GCNT1: variants seen among roughly 807,000 people sequenced by gnomAD.
GCNT1 encodes beta-1,3-galactosyl-O-glycosyl-glycoprotein beta-1,6-N-acetylglucosaminyltransferase.
GCNT1 carries 16 observed loss-of-function variants against 26.2 expected under a neutral mutation model. The observed-to-expected ratio is 0.61, with a 90% CI of 0.41 to 0.93. The LOEUF (loss-of-function observed/expected upper bound fraction) is 0.93. GCNT1 is among the 40% of genes least tolerant of loss of function. The pLI is 0.00. For missense variants in GCNT1, 477 were observed against 526.7 expected (o/e 0.91, Z 0.92); for synonymous variants, 183 against 190.8 (o/e 0.96, Z 0.34).
chr9:76,499,582 A>G (rs1014761035), intron 2 of GCNT1, among the ~76,000 whole-genome samples: 11 of 152,202 alleles, frequency 7.2e-5, no homozygotes, highest in Admixed American at 2.0e-4. Context: ...CAGTTTGATT[A>G]TGAAATGTCT....
chr9:76,480,446 C>T (rs139384058), intron 2 of GCNT1, among the ~76,000 whole-genome samples: 54 of 152,212 alleles, frequency 3.5e-4, no homozygotes, highest in African/African-American at 1.3e-3. Context: ...TTACCTTGGG[C>T]AGTATGGCCA....
chr9:76,427,648 A>G lies in GCNT1; in HGVS notation n.38+7761A>G, dbSNP rs1240939111. ...TTGTCAAAGATGTTTATTACAGCAT[A>G]GTTTATACATGTGAAAAATTAAAAA... On this transcript the variant is annotated intron_variant and non_coding_transcript_variant, in intron 1 of 3. Transcript: ENST00000488136. Among the ~76,000 whole-genome samples the G allele has an allele frequency of 2.0e-5, 3 of 152,344 alleles. No homozygotes were observed. The East Asian group carries it at 5.8e-4, about 29-fold the overall frequency.
intron 2 of GCNT1, among the ~76,000 whole-genome samples, chr9:76,493,908 A>G (rs1036786885): frequency 1.3e-5 from 2 of 152,012 alleles, no homozygotes; most frequent in African/African-American, 4.8e-5. Flanking sequence ...GAGAGAGAAT[A>G]TTGGGGCCAG....
At chr9:76,405,356 A>C in the GCNT1 span, among the ~76,000 whole-genome samples, 1 of 146,860 alleles carries the variant, frequency 6.8e-6, no homozygotes, top group Non-Finnish European at 1.5e-5. Flanking sequence ...AGGCACTAGA[A>C]TGTACATGTT....
At chr9:76,437,730 A>G (rs2131579751), upstream of GCNT1, among the ~76,000 whole-genome samples, 1 of 152,320 alleles carries the variant, frequency 6.6e-6, no homozygotes, top group African/African-American at 2.4e-5. Context: ...GATCATTTTC[A>G]TAACAAGAGT....
intron 2 of GCNT1, among the ~76,000 whole-genome samples, chr9:76,461,319 G>A (rs925065234): frequency 3.3e-5 from 5 of 151,924 alleles, no homozygotes. Flanking sequence ...AGGGCCGGGC[G>A]CAGTGGCTCA....
intron 1 of GCNT1, among the ~76,000 whole-genome samples, chr9:76,449,929 G>A (rs554252312): frequency 9.2e-5 from 14 of 151,944 alleles, no homozygotes; most frequent in Admixed American, 4.6e-4. Flanking sequence ...AATTACAGAC[G>A]CCCAGCTAAT....
intron 2 of GCNT1, among the ~76,000 whole-genome samples, chr9:76,494,490 T>G (rs1244556941): frequency 1.3e-5 from 2 of 152,184 alleles, no homozygotes; most frequent in African/African-American, 4.8e-5. Flanking sequence ...AGGAAGGATA[T>G]CATGTCTGAG....
In GCNT1 at chr9:76,503,592, T is replaced by C. The variant is rs1278468504; in HGVS notation, c.1211T>C (p.Val404Ala). The change falls in exon 4 of 4, where the codon GTG becomes GCG. Residue 404 changes from valine (V) to alanine (A), a missense_variant. Val to Ala is a moderately conservative substitution (Grantham distance 64). Coordinates refer to ENST00000376730, the MANE Select transcript of GCNT1 (RefSeq NM_001490.5). Reference sequence around the variant, plus strand: ...CACTTGTTTGCCAATAAGTTTGACGTGGATGTTGACCTCTTTGCCATCCAG... The same window carrying C: ...CACTTGTTTGCCAATAAGTTTGACGCGGATGTTGACCTCTTTGCCATCCAG... ...KHHLFANKFD[V>A]DVDLFAIQCL... The C allele has an allele frequency of 6.2e-7, 1 of 1,614,190 alleles. No homozygotes were observed. The highest frequency in any genetic ancestry group is 2.2e-5 in the East Asian group (1 of 44,882).
Position 76,478,836 on chromosome 9 carries a change from G to A in GCNT1, c.-290+18659G>A, listed in dbSNP as rs150117233. Reference sequence around the variant, plus strand: ...AATTTGTATGGGTAAAGCCATATATGTATTTCTAGCAATACATTTTATTTA... The same window carrying A: ...AATTTGTATGGGTAAAGCCATATATATATTTCTAGCAATACATTTTATTTA... On this transcript the variant is annotated intron_variant, in intron 2 of 3. Coordinates refer to ENST00000376730, the MANE Select transcript of GCNT1 (RefSeq NM_001490.5). Among the ~76,000 whole-genome samples the A allele has an allele frequency of 3.5e-3, 531 of 152,274 alleles. 2 individuals are homozygous for A. The highest frequency in any genetic ancestry group is 0.011 in the African/African-American group (469 of 41,552).
At chr9:76,488,647 G>A (rs558441089) in intron 2 of GCNT1, among the ~76,000 whole-genome samples, 30 of 152,018 alleles carry the variant, frequency 2.0e-4, no homozygotes, top group Admixed American at 1.2e-3. Context: ...ACCATGCCCC[G>A]CTAATTTTTG....
At chr9:76,443,681 A>C (rs558899076) in intron 1 of GCNT1, among the ~76,000 whole-genome samples, 29 of 152,148 alleles carry the variant, frequency 1.9e-4, no homozygotes, top group Non-Finnish European at 3.8e-4. Context: ...GTTTATGGCC[A>C]GATTTTGGGG....
At chr9:76,442,466 A>G (rs547428590) in intron 1 of GCNT1, among the ~76,000 whole-genome samples, 2 of 152,216 alleles carry the variant, frequency 1.3e-5, no homozygotes, top group African/African-American at 4.8e-5. Context: ...GGATCACTTG[A>G]GGTCAGGAGT....
the GCNT1 span, chr9:76,394,144 C>G: frequency 3.1e-6 from 5 of 1,609,506 alleles, no homozygotes; most frequent in Non-Finnish European, 4.2e-6. Flanking sequence ...ACCACTTGAC[C>G]CCGGCAGAAG....
chr9:76,474,737 A>C (rs970905333), intron 2 of GCNT1, among the ~76,000 whole-genome samples: 2 of 152,234 alleles, frequency 1.3e-5, no homozygotes, highest in African/African-American at 4.8e-5. Flanking sequence ...ATTGGAGCTT[A>C]TTTTGGAGAA....
chr9:76,433,992 C>T (rs766632849), intron 1 of GCNT1, among the ~76,000 whole-genome samples: 15 of 152,190 alleles, frequency 9.9e-5, no homozygotes, highest in Non-Finnish European at 2.2e-4. Flanking sequence ...GCAGTTCCTC[C>T]TTATTCTTCG....
At chr9:76,400,888 A>G in the GCNT1 span, among the ~76,000 whole-genome samples, 1 of 152,196 alleles carries the variant, frequency 6.6e-6, no homozygotes, top group Non-Finnish European at 1.5e-5. Context: ...AACAAGCCAG[A>G]ACTACTAAGC....
chr9:76,459,871 G>A (rs1164681539), intron 1 of GCNT1, among the ~76,000 whole-genome samples, 189 bp from the exon 2 acceptor site: 1 of 152,126 alleles, frequency 6.6e-6, no homozygotes, highest in African/African-American at 2.4e-5. Context: ...TTCTTCTCGC[G>A]GCAGTCTAGG....
chr9:76,441,256 C>T (rs1823480716), upstream of GCNT1, among the ~76,000 whole-genome samples: 1 of 152,046 alleles, frequency 6.6e-6, no homozygotes, highest in African/African-American at 2.4e-5. Flanking sequence ...AGCAATTCTC[C>T]TGCCTCAGCC....
Sources: allele counts gnomAD v4.1 joint callset (sites outside exome capture counted in the v4.1 genomes callset), GRCh38; gene constraint gnomAD v4.1.1; transcripts MANE v1.5; gene names NCBI Gene and HGNC (gene_info 2026-07-23, HGNC 2026-07-21).